OR3A2: variants seen among roughly 807,000 people sequenced by gnomAD.
OR3A2 encodes olfactory receptor 3A2.
For synonymous variants in OR3A2, 126 were observed against 159.3 expected (o/e 0.79, Z 1.57); for missense variants, 318 against 392.8 (o/e 0.81, Z 1.61).
intron 2 of OR3A2, among the ~76,000 whole-genome samples, chr17:3,348,125 A>G (rs1335793874): frequency 3.3e-5 from 5 of 151,868 alleles, no homozygotes; most frequent in Non-Finnish European, 7.4e-5. Flanking sequence ...GTTTGAGTTC[A>G]TTGTAGATTC....
At chr17:3,347,501 T>C (rs950329093) in intron 2 of OR3A2, among the ~76,000 whole-genome samples, 2 of 152,172 alleles carry the variant, frequency 1.3e-5, no homozygotes, top group Non-Finnish European at 2.9e-5. Flanking sequence ...GGTGTTTGGT[T>C]TTTTGTTCTT....
intron 2 of OR3A2, among the ~76,000 whole-genome samples, chr17:3,376,575 C>T (rs973824079): frequency 5.3e-5 from 8 of 152,150 alleles, no homozygotes; most frequent in African/African-American, 1.9e-4. Context: ...TGGGGAAAAC[C>T]AGCAGTGACA....
intron 3 of OR3A2, among the ~76,000 whole-genome samples, chr17:3,334,296 C>G (rs1038572135): frequency 6.6e-6 from 1 of 152,166 alleles, no homozygotes; most frequent in Non-Finnish European, 1.5e-5. Flanking sequence ...TCTTCATCCC[C>G]TGCCTTCCAC....
Position 3,328,834 on chromosome 17 carries a change from G to A in OR3A2, c.-85+7199C>T, listed in dbSNP as rs1448660647. 2.1e-5 allele frequency among the ~76,000 whole-genome samples: 3 copies of A among 144,004 alleles called. 1 individual carries two copies. Among genetic ancestry groups the A allele is most frequent in the Admixed American group, 1.4e-4 (2 of 14,254 alleles). The allele number at this position is 144,004 out of a possible 152,430, so 94.5% of individuals were successfully genotyped here. A position where few individuals can be genotyped will look rare whatever the true frequency, so the allele number is the denominator to read the frequency against. ...AGATAATCATGTGGTTTTTGTCTTCGGCTCTGTTTATATGCTGGATTACAT... is the reference window on the plus strand; with the variant it reads ...AGATAATCATGTGGTTTTTGTCTTCAGCTCTGTTTATATGCTGGATTACAT... On this transcript the variant is annotated intron_variant, in intron 3 of 4. Coordinates refer to the OR3A2 transcript ENST00000573491.
chr17:3,363,411 G>C (rs1261690073), intron 2 of OR3A2, among the ~76,000 whole-genome samples: 1 of 151,696 alleles, frequency 6.6e-6, no homozygotes, highest in Non-Finnish European at 1.5e-5. Context: ...CTTCACTAAA[G>C]CATAGCAAGA....
Position 3,378,792 on chromosome 17 carries a change from G to C in OR3A2, c.-179+5012C>G, listed in dbSNP as rs116760174. The stretch of plus-strand genomic sequence containing the variant: ...CCACTTCCCCCCGGAAGTTCTCCCT[G>C]AACACTCAAGCCACAGGTGCAGTTT... On this transcript the variant is annotated intron_variant, in intron 2 of 4. Transcript: ENST00000573491. 5.9e-4 allele frequency among the ~76,000 whole-genome samples: 90 copies of C among 152,240 alleles called. 1 individual carries two copies. The highest frequency in any genetic ancestry group is 2.1e-3 in the African/African-American group (89 of 41,530).
At chr17:3,363,284 G>A (rs1300720700) in intron 2 of OR3A2, among the ~76,000 whole-genome samples, 1 of 151,744 alleles carries the variant, frequency 6.6e-6, no homozygotes, top group Non-Finnish European at 1.5e-5. Flanking sequence ...GAAACAGCTA[G>A]GTCGCATCTT....
intron 2 of OR3A2, among the ~76,000 whole-genome samples, chr17:3,351,281 C>A (rs2049417785): frequency 1.1e-5 from 1 of 89,372 alleles, no homozygotes; most frequent in African/African-American, 3.9e-5. Context: ...ATCTAGAAAA[C>A]CCCATTGTGT....
At chr17:3,302,327 T>C (rs1364200341) in intron 3 of OR3A2, among the ~76,000 whole-genome samples, 1 of 152,198 alleles carries the variant, frequency 6.6e-6, no homozygotes, top group Non-Finnish European at 1.5e-5. Context: ...GGCATCACAC[T>C]ACCTGACTTC....
chr17:3,288,246 CAAAAAAAA>C, upstream of OR3A2, among the ~76,000 whole-genome samples: 6 of 73,486 alleles, frequency 8.2e-5, no homozygotes, highest in Non-Finnish European at 1.4e-4. Flanking sequence ...ACCAAAAGGG[CAAAAAAAA>C]AAAAAAAAAA....
At chr17:3,323,208 C>T (rs1203997963) in intron 3 of OR3A2, among the ~76,000 whole-genome samples, 2 of 152,078 alleles carry the variant, frequency 1.3e-5, no homozygotes, top group South Asian at 2.1e-4. Context: ...TTTCTGTTTT[C>T]CATTTGCTTG....
intron 2 of OR3A2, among the ~76,000 whole-genome samples, chr17:3,367,561 A>G (rs1267938688): frequency 7.3e-6 from 1 of 137,384 alleles, no homozygotes; most frequent in Non-Finnish European, 1.5e-5. Flanking sequence ...TTTATGGCTG[A>G]GTAGTATTCC....
At chr17:3,283,279 A>C (rs804235) in intron 1 of OR3A2, among the ~76,000 whole-genome samples, 77,614 of 151,994 alleles carry the variant, frequency 0.51, 21,737 homozygotes, top group East Asian at 0.93. Context: ...AGGCTGGAGT[A>C]CAATGGCATG....
intron 2 of OR3A2, among the ~76,000 whole-genome samples, chr17:3,352,212 A>G (rs1173029633): frequency 6.6e-6 from 1 of 151,744 alleles, no homozygotes; most frequent in Non-Finnish European, 1.5e-5. Flanking sequence ...CTGTCTCTTC[A>G]CTTTGTTGAT....
chr17:3,295,097 TG>T (rs1454319423), intron 3 of OR3A2, among the ~76,000 whole-genome samples: 2 of 152,052 alleles, frequency 1.3e-5, no homozygotes, highest in Non-Finnish European at 2.9e-5. Context: ...TTGTGAAAAT[TG>T]TAAGTATGAA....
chr17:3,335,197 T>C (rs1001514022), intron 3 of OR3A2, among the ~76,000 whole-genome samples: 21 of 152,232 alleles, frequency 1.4e-4, no homozygotes, highest in Non-Finnish European at 1.5e-4. Flanking sequence ...CTTAGATCTT[T>C]ACATGGTAAA....
chr17:3,322,558 T>C (rs2049133158), intron 3 of OR3A2, among the ~76,000 whole-genome samples: 1 of 152,220 alleles, frequency 6.6e-6, no homozygotes, highest in Non-Finnish European at 1.5e-5. Flanking sequence ...TCCCAGAGAT[T>C]CTGGTATGTT....
chr17:3,313,962 A>C (rs1486190885), intron 3 of OR3A2, among the ~76,000 whole-genome samples: 1 of 152,228 alleles, frequency 6.6e-6, no homozygotes, highest in Non-Finnish European at 1.5e-5. Flanking sequence ...TGTTTTCAAA[A>C]TATCCTCAAG....
At chr17:3,374,502 T>C (rs1389634250) in intron 2 of OR3A2, among the ~76,000 whole-genome samples, 2 of 152,188 alleles carry the variant, frequency 1.3e-5, no homozygotes, top group African/African-American at 4.8e-5. Context: ...TTCTTTGTCT[T>C]TGTCAGATTG....
Sources: allele counts gnomAD v4.1 joint callset (sites outside exome capture counted in the v4.1 genomes callset), GRCh38; gene constraint gnomAD v4.1.1; transcripts MANE v1.5; gene names NCBI Gene and HGNC (gene_info 2026-07-23, HGNC 2026-07-21).